The following ZSWIM9 variants were observed in gnomAD, a reference collection of about 807,000 sequenced individuals.
The protein encoded by ZSWIM9 is uncharacterized protein ZSWIM9.
ZSWIM9 carries 11 observed loss-of-function variants against 25.0 expected under a neutral mutation model. That is an observed-to-expected ratio of 0.44 (90% CI 0.28 to 0.73). The LOEUF is 0.73. ZSWIM9 is among the 30% of genes least tolerant of loss of function. The pLI is 0.16. For missense variants in ZSWIM9, 1,070 were observed against 1,296.5 expected (o/e 0.83, Z 2.68); for synonymous variants, 562 against 582.1 (o/e 0.97, Z 0.50).
chr19:48,184,116 TATC>T (rs1224940514), intron 3 of ZSWIM9, among the ~76,000 whole-genome samples: 6 of 151,860 alleles, frequency 4.0e-5, no homozygotes, highest in Non-Finnish European at 8.8e-5. Flanking sequence ...AGCGATAAGT[TATC>T]ATCAAGGAGA....
At chr19:48,171,766 T>C in intron 1 of ZSWIM9, 28 bp from the exon 2 acceptor site, 1 of 1,510,746 alleles carries the variant, frequency 6.6e-7, no homozygotes, top group Non-Finnish European at 8.8e-7. Context: ...GGGTCTGATA[T>C]CCACCTGTTC....
At chr19:48,176,865 A>G (rs1054100071) in intron 2 of ZSWIM9, among the ~76,000 whole-genome samples, 2 of 151,510 alleles carry the variant, frequency 1.3e-5, no homozygotes, top group East Asian at 3.9e-4. Context: ...GGAGTTTGAG[A>G]CCAGCCTGGG....
At chr19:48,174,251 G>A (rs1359557782) in intron 2 of ZSWIM9, among the ~76,000 whole-genome samples, 1 of 152,008 alleles carries the variant, frequency 6.6e-6, no homozygotes, top group Non-Finnish European at 1.5e-5. Flanking sequence ...CTTCCTGGAT[G>A]GGTGACTTTG....
intron 3 of ZSWIM9, chr19:48,190,474 G>A (rs2037080433): frequency 1.3e-5 from 2 of 154,942 alleles, no homozygotes; most frequent in Admixed American, 6.5e-5. Flanking sequence ...AGGAGGATGG[G>A]CATTCAGCCC....
chr19:48,191,079 A>AGTGT (rs1365989835), intron 3 of ZSWIM9, among the ~76,000 whole-genome samples: 6 of 114,258 alleles, frequency 5.3e-5, no homozygotes, highest in Admixed American at 3.3e-4. Context: ...GAGAAAGTGC[A>AGTGT]GTGTGTATGT....
intron 2 of ZSWIM9, among the ~76,000 whole-genome samples, chr19:48,174,021 C>G (rs1406333077): frequency 6.6e-6 from 1 of 152,056 alleles, no homozygotes; most frequent in African/African-American, 2.4e-5. Flanking sequence ...TTTCCATTGG[C>G]AGACGGCCAC....
Position 48,194,028 on chromosome 19 carries a change from AGGAGGCAACTGAG to A in ZSWIM9, c.589-623_589-611del, listed in dbSNP as rs1832251341. Among the ~76,000 whole-genome samples, 1 of 152,188 alleles carries A rather than the reference AGGAGGCAACTGAG, an allele frequency of 6.6e-6. No homozygotes were observed. Among genetic ancestry groups the A allele is most frequent in the Non-Finnish European group, 1.5e-5 (1 of 68,020 alleles). On this transcript the variant is annotated intron_variant, in intron 3 of 3. Transcript: ENST00000614654. The surrounding 1 kb of genome is among the most constrained non-coding windows in gnomAD (Gnocchi z 6.0). ...GGATAATCAGGGAATATGGAGGTTA[AGGAGGCAACTGAG>A]GCACAGAGAGGTTAAATCGCAGGGT...
At chr19:48,186,993 G>C (rs886289542) in intron 3 of ZSWIM9, among the ~76,000 whole-genome samples, 10 of 152,122 alleles carry the variant, frequency 6.6e-5, no homozygotes, top group Admixed American at 5.2e-4. Context: ...AGCTGCTGCT[G>C]AAACAGCCCT....
Position 48,182,562 on chromosome 19 carries a change from C to G in ZSWIM9, c.383C>G (p.Pro128Arg). ...CQLTHSHPACPLEFAYYFRPG... is the reference protein window; with the variant it reads ...CQLTHSHPACRLEFAYYFRPG... ...CTGACCCACTCACACCCGGCCTGCC[C>G]GCTGGAGTTCGCCTACTACTTCCGC... Residue 128 changes from proline (P) to arginine (R), a missense_variant, in exon 3 of 4, where the codon CCG (proline) becomes CGG (arginine). This residue lies in a region of ZSWIM9 where 265 missense variants were observed against 339.0 expected (regional missense o/e 0.78). Coordinates refer to ENST00000614654, the MANE Select transcript of ZSWIM9 (RefSeq NM_199341.4). This position sits in a 1 kb window ranked among gnomAD's most constrained non-coding sequence, Gnocchi z 4.6. 1 of 1,535,894 alleles carries G rather than the reference C, an allele frequency of 6.5e-7. No individual in the cohort carries two copies. Among genetic ancestry groups the G allele is most frequent in the Non-Finnish European group, 8.7e-7 (1 of 1,146,764 alleles).
At position 48,189,574 on chromosome 19, in the gene ZSWIM9, AC is replaced by A. The variant is rs778786143; in HGVS notation, c.589-5078del. 4.9e-4 allele frequency: 75 copies of A among 152,886 alleles called. No homozygotes were observed. The Middle Eastern group carries it at 8.3e-3, about 17-fold the overall frequency. 9.5% of individuals were successfully genotyped at this position (152,886 alleles called of 1,614,324 possible). A position where few individuals can be genotyped will look rare whatever the true frequency, so the allele number is the denominator to read the frequency against. On this transcript the variant is annotated intron_variant, in intron 3 of 3. Coordinates refer to ENST00000614654, the MANE Select transcript of ZSWIM9 (RefSeq NM_199341.4). ...CAGAGTGAGACTCCATCCTAAACAAACAAAAAAAAAAGAATAAGAACAAGTC... is the reference window on the plus strand; with the variant it reads ...CAGAGTGAGACTCCATCCTAAACAAAAAAAAAAAAAGAATAAGAACAAGTC...
At chr19:48,171,321 G>A (rs898422278) in intron 1 of ZSWIM9, 10 of 985,274 alleles carry the variant, frequency 1.0e-5, no homozygotes, top group Non-Finnish European at 1.2e-5. Context: ...AGCGTCTTTG[G>A]AGGGGTTACA....
intron 1 of ZSWIM9, chr19:48,171,176 T>G: frequency 1.0e-6 from 1 of 962,672 alleles, no homozygotes. Context: ...TGGCGAGCCA[T>G]AGGGTCATAA....
rs757012613 is a variant in ZSWIM9 at position 48,194,453 on chromosome 19, AC to A, written c.589-197del. Among the ~76,000 whole-genome samples, 32 of 152,262 alleles carry A rather than the reference AC, an allele frequency of 2.1e-4. No homozygotes were observed. Among genetic ancestry groups the A allele is most frequent in the Non-Finnish European group, 3.4e-4 (23 of 68,004 alleles). On this transcript the variant is annotated intron_variant, in intron 3 of 3. Coordinates refer to ENST00000614654, the MANE Select transcript of ZSWIM9 (RefSeq NM_199341.4). The surrounding 1 kb of genome is among the most constrained non-coding windows in gnomAD (Gnocchi z 6.0). ...TTAGACTGTGGTACCTGGATCTCAA[AC>A]CCAGGCAATCCGGCTCCAGAGTGTT...
chr19:48,195,443 G>A lies in ZSWIM9; in HGVS notation c.1379G>A (p.Arg460Lys), dbSNP rs996322330. The A allele has an allele frequency of 2.1e-6, 3 of 1,437,106 alleles. No individual in the cohort carries two copies. In the African/African-American group the frequency reaches 4.4e-5, roughly 21 times the overall value. 89.0% of individuals were successfully genotyped at this position (1,437,106 alleles called of 1,614,324 possible). Reference protein sequence around the residue: ...GGPWLEDEPGRGAQGENERVR... With the variant: ...GGPWLEDEPGKGAQGENERVR... ...CCTTGGCTGGAGGATGAGCCAGGGA[G>A]GGGAGCCCAGGGGGAGAACGAGAGG... The change falls in exon 4 of 4, where the codon AGG becomes AAG. Residue 460 changes from arginine (R) to lysine (K), a missense_variant. This residue lies in a region of ZSWIM9 where 583 missense variants were observed against 624.7 expected (regional missense o/e 0.93). Transcript: ENST00000614654. This position sits in a 1 kb window ranked among gnomAD's most constrained non-coding sequence, Gnocchi z 5.8.
intron 3 of ZSWIM9, among the ~76,000 whole-genome samples, chr19:48,187,472 ATATATAT>A (rs1241815712): frequency 1.2e-5 from 1 of 83,420 alleles, no homozygotes; most frequent in African/African-American, 5.6e-5. Flanking sequence ...TATATATATT[ATATATAT>A]TATATATTAT....
At chr19:48,188,332 T>G (rs1416327402) in intron 3 of ZSWIM9, among the ~76,000 whole-genome samples, 4 of 152,020 alleles carry the variant, frequency 2.6e-5, no homozygotes, top group Non-Finnish European at 1.5e-5. Flanking sequence ...AGGTGATTCT[T>G]GTGCCTCAGC....
chr19:48,187,866 A>C (rs1477583967), intron 3 of ZSWIM9: 1 of 150,936 alleles, frequency 6.6e-6, no homozygotes, highest in Admixed American at 6.7e-5. Flanking sequence ...GCTTGAGCCC[A>C]GGAGCTTCAG....
intron 3 of ZSWIM9, among the ~76,000 whole-genome samples, chr19:48,187,459 A>ATATTATAATATATTAT (rs1416122137): frequency 6.2e-5 from 5 of 81,248 alleles, no homozygotes; most frequent in South Asian, 3.3e-4. Context: ...ATTATATATT[A>ATATTATAATATATTAT]ATTATATATA....
chr19:48,190,413 C>G (rs1023640065), intron 3 of ZSWIM9: 40 of 154,778 alleles, frequency 2.6e-4, no homozygotes, highest in African/African-American at 8.9e-4. Context: ...ACTTACACAG[C>G]CACCACGGGA....
Sources: gnomAD v4.1 joint callset for allele counts (sites outside exome capture counted in the v4.1 genomes callset) on GRCh38, gnomAD v4.1.1 for gene constraint, gnomAD v4.1.1 regional missense constraint, Gnocchi (gnomAD v3.1) non-coding constraint, MANE v1.5 for transcripts, NCBI Gene and HGNC (gene_info 2026-07-23, HGNC 2026-07-21) for gene names.